The following TTC28 variants were observed in gnomAD, a reference collection of about 807,000 sequenced individuals.
TTC28 encodes the protein tetratricopeptide repeat protein 28.
A neutral mutation model predicts 198.0 loss-of-function variants in TTC28; 61 were observed. The observed-to-expected ratio is 0.31, with a 90% CI of 0.25 to 0.38. The LOEUF (loss-of-function observed/expected upper bound fraction) is 0.38. Among genes scored for constraint, TTC28 ranks in the 10% least tolerant of loss-of-function variants. The pLI, the probability that TTC28 is intolerant of heterozygous loss-of-function variation, is 1.00. For missense variants in TTC28, 2,678 were observed against 3,164.0 expected (o/e 0.85, Z 3.69); for synonymous variants, 1,171 against 1,297.8 (o/e 0.90, Z 2.10).
chr22:28,547,969 T>G (rs919359448), intron 2 of TTC28, among the ~76,000 whole-genome samples: 2 of 152,062 alleles, frequency 1.3e-5, no homozygotes, highest in Non-Finnish European at 2.9e-5. Flanking sequence ...TGTGGGTCAT[T>G]AATCTATATT....
intron 2 of TTC28, among the ~76,000 whole-genome samples, chr22:28,552,077 A>G (rs1325496025): frequency 1.3e-5 from 2 of 152,182 alleles, no homozygotes; most frequent in African/African-American, 4.8e-5. Flanking sequence ...TCTGCTATAC[A>G]CCAATAGCAA....
At chr22:28,225,132 G>A (rs1928195035) in intron 5 of TTC28, among the ~76,000 whole-genome samples, 1 of 151,868 alleles carries the variant, frequency 6.6e-6, no homozygotes, top group Non-Finnish European at 1.5e-5. Flanking sequence ...CAGCACTTTG[G>A]GAGGCCGAGG....
intron 6 of TTC28, among the ~76,000 whole-genome samples, chr22:28,151,071 C>T (rs1196409891): frequency 6.6e-6 from 1 of 152,184 alleles, no homozygotes; most frequent in African/African-American, 2.4e-5. Flanking sequence ...TAAACCTATT[C>T]AGCCTCATAT....
intron 5 of TTC28, among the ~76,000 whole-genome samples, chr22:28,231,199 C>T (rs1328847677): frequency 6.6e-6 from 1 of 152,186 alleles, no homozygotes; most frequent in Non-Finnish European, 1.5e-5. Flanking sequence ...AACATAGTCT[C>T]TGCACTTGAA....
rs143011321 is a variant in TTC28, at chr22:28,031,773, C to T, written c.3933-1407G>A. ...CAGGGTGCCCAGATATTTGGTTAAA[C>T]ATTATTTGGGATGTGTTTGTGAGGG... On this transcript the variant is annotated intron_variant, in intron 12 of 22. Coordinates refer to ENST00000397906, the MANE Select transcript of TTC28 (RefSeq NM_001145418.2). Among the ~76,000 whole-genome samples, 578 of 152,196 alleles carry T rather than the reference C, an allele frequency of 3.8e-3. 7 individuals are homozygous for T. Among genetic ancestry groups the T allele is most frequent in the South Asian group, 0.03 (144 of 4,818 alleles).
rs1324462111 is a variant in TTC28 at position 28,001,264 on chromosome 22, TGAG to T, written c.4398+107_4398+109del. ...GTGCAAATCATAAAATCAACACTTT[TGAG>T]GAGATCACAGCTATGCCTTCGTAAC... On this transcript the variant is annotated intron_variant, in intron 15 of 22. Coordinates refer to ENST00000397906, the MANE Select transcript of TTC28 (RefSeq NM_001145418.2). 1.6e-5 allele frequency: 22 copies of T among 1,340,490 alleles called. No homozygotes were observed. The Admixed American group carries it at 1.7e-4, about 11-fold the overall frequency. The allele number at this position is 1,340,490 out of a possible 1,614,324, so 83.0% of individuals were successfully genotyped here.
intron 2 of TTC28, among the ~76,000 whole-genome samples, chr22:28,375,279 C>G (rs2046392849): frequency 6.6e-6 from 1 of 152,110 alleles, no homozygotes; most frequent in South Asian, 2.1e-4. Context: ...AGGCACTGTG[C>G]TGAAGGACTT....
chr22:28,291,995 A>G (rs2044796269), intron 5 of TTC28, among the ~76,000 whole-genome samples: 1 of 151,994 alleles, frequency 6.6e-6, no homozygotes, highest in African/African-American at 2.4e-5. Context: ...CTAAAAGAGC[A>G]TACCAAAAAT....
At chr22:28,130,847 G>A (rs1489816850) in intron 6 of TTC28, among the ~76,000 whole-genome samples, 1 of 152,114 alleles carries the variant, frequency 6.6e-6, no homozygotes, top group African/African-American at 2.4e-5. Flanking sequence ...AACTTTATCT[G>A]TCACCAGAGA....
intron 1 of TTC28, among the ~76,000 whole-genome samples, chr22:28,669,908 T>C (rs1290323962): frequency 2.6e-5 from 4 of 152,130 alleles, no homozygotes; most frequent in Non-Finnish European, 5.9e-5. Context: ...AATATAAAGG[T>C]TTATTACTGG....
intron 5 of TTC28, among the ~76,000 whole-genome samples, chr22:28,244,473 T>C (rs182232184): frequency 6.6e-6 from 1 of 152,240 alleles, no homozygotes; most frequent in Admixed American, 6.5e-5. Flanking sequence ...TTCAACTATA[T>C]AGAAGGAAAA....
intron 1 of TTC28, among the ~76,000 whole-genome samples, chr22:28,677,975 A>T (rs1477998334): frequency 1.3e-5 from 2 of 152,104 alleles, no homozygotes; most frequent in Non-Finnish European, 2.9e-5. Flanking sequence ...TAAATTAAAA[A>T]TTTAAAAAAT....
At chr22:28,092,307 C>T (rs5762474) in intron 12 of TTC28, among the ~76,000 whole-genome samples, 6,093 of 152,202 alleles carry the variant, frequency 0.04, 205 homozygotes, top group East Asian at 0.13. Context: ...AGTTCTGGGA[C>T]AGTAGGGGCT....
chr22:28,490,936 C>A (rs1053076336), intron 2 of TTC28, among the ~76,000 whole-genome samples: 1 of 152,168 alleles, frequency 6.6e-6, no homozygotes, highest in Admixed American at 6.5e-5. Flanking sequence ...TGCCTCTTTG[C>A]CTAAAGCCTA....
intron 2 of TTC28, among the ~76,000 whole-genome samples, chr22:28,567,884 C>A (rs576828754): frequency 2.6e-5 from 4 of 151,848 alleles, no homozygotes; most frequent in Admixed American, 6.6e-5. Flanking sequence ...CCTAATTAAA[C>A]CCAATCAGAA....
intron 2 of TTC28, among the ~76,000 whole-genome samples, chr22:28,418,373 CA>C (rs2047196969): frequency 1.3e-5 from 2 of 152,326 alleles, no homozygotes; most frequent in African/African-American, 4.8e-5. Context: ...ACTCAATCAG[CA>C]TGCATTCCCT....
At chr22:28,218,513 T>C (rs1301739601) in intron 5 of TTC28, among the ~76,000 whole-genome samples, 3 of 152,042 alleles carry the variant, frequency 2.0e-5, no homozygotes, top group Non-Finnish European at 4.4e-5. Flanking sequence ...TTTGATAAAA[T>C]TTCTCCAAAT....
intron 2 of TTC28, among the ~76,000 whole-genome samples, chr22:28,314,289 A>G (rs1407400577): frequency 6.6e-6 from 1 of 152,218 alleles, no homozygotes; most frequent in Non-Finnish European, 1.5e-5. Context: ...CTTATTACCC[A>G]AAGTAATTTA....
chr22:28,218,007 G>A (rs993118732), intron 5 of TTC28, among the ~76,000 whole-genome samples: 9 of 152,034 alleles, frequency 5.9e-5, no homozygotes, highest in African/African-American at 2.2e-4. Flanking sequence ...ATGTTGTTTT[G>A]GTTGAAATAT....
Sources: allele counts gnomAD v4.1 joint callset (sites outside exome capture counted in the v4.1 genomes callset), GRCh38; gene constraint gnomAD v4.1.1; transcripts MANE v1.5; gene names NCBI Gene and HGNC (gene_info 2026-07-23, HGNC 2026-07-21).